The following KIAA0232 variants were observed in gnomAD, a reference collection of about 807,000 sequenced individuals.
The protein encoded by KIAA0232 is uncharacterized protein KIAA0232.
In KIAA0232, 27 loss-of-function variants were observed where a neutral mutation model predicts 122.0. That is an observed-to-expected ratio of 0.22 (90% CI 0.16 to 0.31). KIAA0232 has a LOEUF of 0.31. Ranked by LOEUF, KIAA0232 falls within the 10% of genes least tolerant of loss-of-function variation. KIAA0232 has a pLI of 1.00. For synonymous variants in KIAA0232, 613 were observed against 587.6 expected, an observed-to-expected ratio of 1.04 and a Z score of -0.63; for missense variants, 1,551 against 1,634.2, an observed-to-expected ratio of 0.95 and a Z score of 0.88.
intron 3 of KIAA0232, among the ~76,000 whole-genome samples, chr4:6,825,046 T>C (rs116639611): frequency 8.2e-4 from 125 of 152,366 alleles, no homozygotes; most frequent in African/African-American, 1.6e-3. Flanking sequence ...TGAATAGATA[T>C]TTAAACATTG....
intron 3 of KIAA0232, among the ~76,000 whole-genome samples, chr4:6,828,365 C>T (rs558914267): frequency 5.9e-5 from 9 of 152,246 alleles, no homozygotes; most frequent in Admixed American, 2.0e-4. Flanking sequence ...CACAGCGAGA[C>T]CCTGTCTCTT....
chr4:6,795,619 G>A (rs1358923179), intron 1 of KIAA0232, among the ~76,000 whole-genome samples: 2 of 151,944 alleles, frequency 1.3e-5, no homozygotes, highest in Non-Finnish European at 2.9e-5. Context: ...TTTTGAGCTA[G>A]GACATCACTG....
intron 7 of KIAA0232, among the ~76,000 whole-genome samples, chr4:6,865,778 C>T (rs1033887832): frequency 1.3e-5 from 2 of 152,188 alleles, no homozygotes; most frequent in African/African-American, 4.8e-5. Context: ...CTGACACTTT[C>T]CCTAATTCCC....
intron 1 of KIAA0232, among the ~76,000 whole-genome samples, chr4:6,783,751 A>C (rs1577347957): frequency 6.6e-6 from 1 of 151,968 alleles, no homozygotes; most frequent in East Asian, 1.9e-4. Flanking sequence ...CGAAGGTTAC[A>C]GCTGGAGCTA....
chr4:6,822,668 G>A (rs906635561), intron 2 of KIAA0232, among the ~76,000 whole-genome samples: 1 of 151,696 alleles, frequency 6.6e-6, no homozygotes, highest in Non-Finnish European at 1.5e-5. Context: ...TTCACATATT[G>A]AAAGTATGTT....
At chr4:6,814,803 C>T (rs1049507467) in intron 2 of KIAA0232, among the ~76,000 whole-genome samples, 4 of 151,992 alleles carry the variant, frequency 2.6e-5, no homozygotes, top group East Asian at 3.9e-4. Flanking sequence ...ATCCTACCTC[C>T]GTGAATTAAA....
intron 7 of KIAA0232, among the ~76,000 whole-genome samples, chr4:6,868,238 T>C (rs961356029): frequency 6.6e-6 from 1 of 152,228 alleles, no homozygotes; most frequent in African/African-American, 2.4e-5. Context: ...GTTAGGCTTT[T>C]TGGATTAAGT....
chr4:6,830,705 C>T (rs1173052337), intron 3 of KIAA0232, among the ~76,000 whole-genome samples: 2 of 152,078 alleles, frequency 1.3e-5, no homozygotes, highest in Non-Finnish European at 2.9e-5. Context: ...CCATGCCCGG[C>T]CTGTTTTCTT....
intron 2 of KIAA0232, among the ~76,000 whole-genome samples, chr4:6,806,612 T>C (rs931141926): frequency 6.6e-6 from 1 of 151,704 alleles, no homozygotes; most frequent in Non-Finnish European, 1.5e-5. Context: ...TGGGCGTCTA[T>C]AATCCCAGCT....
At position 6,837,000 on chromosome 4, in the gene KIAA0232, C is replaced by T. The variant is rs1384526031; in HGVS notation, c.232-5067C>T. Reference sequence around the variant, plus strand: ...TCCCTTTCTTTTCCCCACACTTCCCCCCTTTCTATTCGACAAAACCGCCAT... The same window carrying T: ...TCCCTTTCTTTTCCCCACACTTCCCTCCTTTCTATTCGACAAAACCGCCAT... On this transcript the variant is annotated intron_variant, in intron 3 of 9. Transcript: ENST00000307659. 5.3e-5 allele frequency among the ~76,000 whole-genome samples: 8 copies of T among 152,234 alleles called. No homozygotes were observed. In the South Asian group the frequency reaches 1.0e-3, roughly 20 times the overall value.
chr4:6,805,949 C>G (rs1030248892), intron 2 of KIAA0232, among the ~76,000 whole-genome samples: 1 of 151,968 alleles, frequency 6.6e-6, no homozygotes, highest in African/African-American at 2.4e-5. Flanking sequence ...TTTAGAATTT[C>G]ATAATAATTT....
At chr4:6,819,206 A>C (rs1438347286) in intron 2 of KIAA0232, among the ~76,000 whole-genome samples, 1 of 152,136 alleles carries the variant, frequency 6.6e-6, no homozygotes, top group Non-Finnish European at 1.5e-5. Flanking sequence ...TGCAACAAAA[A>C]CGAACATTGA....
rs761191830 is a variant in KIAA0232, at chr4:6,862,383, C to G, written c.2001C>G (p.Leu667=). The G allele has an allele frequency of 1.9e-6, 3 of 1,614,120 alleles. No individual in the cohort carries two copies. In the African/African-American group the frequency reaches 4.0e-5, roughly 22 times the overall value. ...TTTTACCATTTTCTTTTGAAACACT[C>G]AACTTGGGAAATGAAAATACAGATT... The part of the protein sequence containing the change: ...NSVLPFSFET[L]NLGNENTDSS... Residue 667 remains leucine, a synonymous_variant, in exon 7 of 10, where the codon CTC becomes CTG. Transcript: ENST00000307659.
At chr4:6,837,190 C>T (rs1321370260) in intron 3 of KIAA0232, among the ~76,000 whole-genome samples, 1 of 151,172 alleles carries the variant, frequency 6.6e-6, no homozygotes, top group Non-Finnish European at 1.5e-5. Context: ...CCTCACTTCC[C>T]AGGCGGGGCG....
rs1718583873 is a variant in KIAA0232 at position 6,824,634 on chromosome 4, G to A, written c.181G>A (p.Val61Ile). The A allele has an allele frequency of 1.2e-6, 2 of 1,614,220 alleles. No individual in the cohort carries two copies. The highest frequency in any genetic ancestry group is 2.2e-5 in the East Asian group (1 of 44,892). Residue 61 changes from valine to isoleucine, a missense_variant, in exon 3 of 10, where the codon GTC becomes ATC. This residue lies in a region of KIAA0232 where 26 missense variants were observed against 52.2 expected (regional missense o/e 0.50). Coordinates refer to ENST00000307659, the MANE Select transcript of KIAA0232 (RefSeq NM_014743.3). ...GIDAMIYTRY[V>I]LSLLLHDSYD... Reference sequence around the variant, plus strand: ...TGATGCCATGATTTACACTCGGTATGTCCTCAGTCTTCTGCTGCATGACAG... The same window carrying A: ...TGATGCCATGATTTACACTCGGTATATCCTCAGTCTTCTGCTGCATGACAG...
chr4:6,820,729 T>C (rs1450374114), intron 2 of KIAA0232, among the ~76,000 whole-genome samples: 1 of 152,264 alleles, frequency 6.6e-6, no homozygotes, highest in Non-Finnish European at 1.5e-5. Context: ...ACAAATGTTG[T>C]TATTTCTGGT....
intron 7 of KIAA0232, among the ~76,000 whole-genome samples, chr4:6,865,838 C>T (rs931629574): frequency 6.6e-6 from 1 of 152,230 alleles, no homozygotes; most frequent in Non-Finnish European, 1.5e-5. Flanking sequence ...TTTTGCCCCT[C>T]TCTTAATTTT....
chr4:6,819,136 A>G (rs902027437), intron 2 of KIAA0232, among the ~76,000 whole-genome samples: 1 of 152,160 alleles, frequency 6.6e-6, no homozygotes, highest in Admixed American at 6.6e-5. Flanking sequence ...CTAGGAAAAA[A>G]ACTTGGAAAC....
chr4:6,859,571 A>G (rs1054055943), intron 6 of KIAA0232, among the ~76,000 whole-genome samples: 1 of 152,252 alleles, frequency 6.6e-6, no homozygotes, highest in Non-Finnish European at 1.5e-5. Context: ...GTTTAGTTAA[A>G]TATATTACTG....
Sources: allele counts gnomAD v4.1 joint callset (sites outside exome capture counted in the v4.1 genomes callset), GRCh38; gene constraint gnomAD v4.1.1; regional missense constraint gnomAD v4.1.1; transcripts MANE v1.5; gene names NCBI Gene and HGNC (gene_info 2026-07-23, HGNC 2026-07-21).